The following CSTPP1 variants were observed in gnomAD, a reference collection of about 807,000 sequenced individuals.
CSTPP1 encodes centriolar satellite-associated tubulin polyglutamylase complex regulator 1, also known as UPF0705 protein C11orf49.
the CSTPP1 span, chr11:47,108,905 C>T: frequency 3.3e-5 from 5 of 152,018 alleles, no homozygotes; most frequent in African/African-American, 1.2e-4. Context: ...CAGGGTTTCA[C>T]CATGTTGGTC....
the CSTPP1 span, among the ~76,000 whole-genome samples, chr11:47,046,995 G>A: frequency 6.6e-6 from 1 of 151,482 alleles, no homozygotes; most frequent in African/African-American, 2.4e-5. Context: ...CCACCTCCCG[G>A]GTTCAAGCGG....
chr11:47,100,295 G>T, the CSTPP1 span, among the ~76,000 whole-genome samples: 21 of 152,086 alleles, frequency 1.4e-4, no homozygotes, highest in Non-Finnish European at 4.4e-5. Context: ...GAAGCTAGTT[G>T]AGCTAAATGT....
At chr11:47,039,483 G>T in the CSTPP1 span, among the ~76,000 whole-genome samples, 1 of 126,446 alleles carries the variant, frequency 7.9e-6, no homozygotes, top group East Asian at 2.1e-4. Flanking sequence ...AGACCGTGGG[G>T]AGAGGGAGAG....
chr11:46,951,914 A>G, the CSTPP1 span, among the ~76,000 whole-genome samples: 2 of 152,144 alleles, frequency 1.3e-5, no homozygotes, highest in Non-Finnish European at 2.9e-5. Context: ...ACCAGTACTT[A>G]CCATTCCCTT....
chr11:47,042,994 A>G, the CSTPP1 span, among the ~76,000 whole-genome samples: 1 of 152,190 alleles, frequency 6.6e-6, no homozygotes, highest in South Asian at 2.1e-4. Context: ...GGACATAGCC[A>G]TGTATAAAAT....
the CSTPP1 span, among the ~76,000 whole-genome samples, chr11:47,069,025 A>G: frequency 6.6e-6 from 1 of 152,222 alleles, no homozygotes; most frequent in African/African-American, 2.4e-5. Context: ...TAGTGTGTGT[A>G]TATTAAAATT....
chr11:47,141,932 C>CA, the CSTPP1 span, among the ~76,000 whole-genome samples: 14,013 of 37,868 alleles, frequency 0.37, 4,407 homozygotes, highest in African/African-American at 0.44. Context: ...GACTCTGTCT[C>CA]AAAAAAAAAA....
chr11:46,992,462 C>A, the CSTPP1 span, among the ~76,000 whole-genome samples: 10 of 146,272 alleles, frequency 6.8e-5, no homozygotes, highest in South Asian at 2.2e-4. Flanking sequence ...TTGTTCAATG[C>A]CCACCTATGA....
chr11:47,111,909 A>T, the CSTPP1 span, among the ~76,000 whole-genome samples: 1 of 152,190 alleles, frequency 6.6e-6, no homozygotes, highest in Non-Finnish European at 1.5e-5. Context: ...TATTTCATTT[A>T]ATCTTTGCTT....
At chr11:47,007,659 CT>C in the CSTPP1 span, among the ~76,000 whole-genome samples, 96 of 148,624 alleles carry the variant, frequency 6.5e-4, no homozygotes, top group African/African-American at 2.0e-3. Context: ...TTGTGTTATA[CT>C]TTTTTTTTTC....
chr11:46,968,623 G>A, the CSTPP1 span, among the ~76,000 whole-genome samples: 1 of 151,698 alleles, frequency 6.6e-6, no homozygotes, highest in Non-Finnish European at 1.5e-5. Context: ...TGTTTCTGCT[G>A]GGCGCAGTGG....
At chr11:46,947,527 A>G in the CSTPP1 span, among the ~76,000 whole-genome samples, 2 of 152,152 alleles carry the variant, frequency 1.3e-5, no homozygotes, top group African/African-American at 2.4e-5. Context: ...CATCAAATGT[A>G]TTTTTTTCAT....
the CSTPP1 span, among the ~76,000 whole-genome samples, chr11:46,981,742 TA>T: frequency 6.6e-6 from 1 of 152,108 alleles, no homozygotes; most frequent in African/African-American, 2.4e-5. Flanking sequence ...GCAGGTTTCT[TA>T]ACCTCTCTAG....
the CSTPP1 span, among the ~76,000 whole-genome samples, chr11:46,957,002 G>A: frequency 6.6e-6 from 1 of 151,132 alleles, no homozygotes; most frequent in Admixed American, 6.6e-5. Flanking sequence ...TCTCCTTTTT[G>A]AACATTTTTT....
the CSTPP1 span, chr11:47,164,211 G>GT: frequency 6.2e-7 from 1 of 1,613,928 alleles, no homozygotes; most frequent in Non-Finnish European, 8.5e-7. Context: ...CTCAGCTTCG[G>GT]TACCGACGCC....
At chr11:46,943,400 T>C in the CSTPP1 span, among the ~76,000 whole-genome samples, 1 of 152,224 alleles carries the variant, frequency 6.6e-6, no homozygotes, top group African/African-American at 2.4e-5. Flanking sequence ...CTCTATGCTA[T>C]AAATACTTTG....
the CSTPP1 span, among the ~76,000 whole-genome samples, chr11:47,101,880 C>T: frequency 1.3e-5 from 2 of 152,120 alleles, no homozygotes; most frequent in Admixed American, 1.3e-4. Context: ...CTCAGAGTGA[C>T]CTTTTTTGAC....
chr11:46,945,557 G>C, the CSTPP1 span, among the ~76,000 whole-genome samples: 1 of 152,128 alleles, frequency 6.6e-6, no homozygotes, highest in Non-Finnish European at 1.5e-5. Flanking sequence ...AGAGGTTGCA[G>C]TCCACTGAGA....
chr11:47,061,502 G>A, the CSTPP1 span, among the ~76,000 whole-genome samples: 2 of 152,190 alleles, frequency 1.3e-5, no homozygotes, highest in Non-Finnish European at 2.9e-5. Flanking sequence ...ATCTTCACCA[G>A]TAAAAATCAT....
Sources: allele counts gnomAD v4.1 joint callset (sites outside exome capture counted in the v4.1 genomes callset), GRCh38; gene constraint gnomAD v4.1.1; transcripts MANE v1.5; gene names NCBI Gene and HGNC (gene_info 2026-07-23, HGNC 2026-07-21).